LTBP1: variants seen among roughly 807,000 people sequenced by gnomAD.
The protein encoded by LTBP1 is latent-transforming growth factor beta-binding protein 1.
LTBP1 carries 129 observed loss-of-function variants against 207.6 expected under a neutral mutation model. The ratio of observed to expected loss-of-function variants is 0.62; its 90% CI spans 0.54 to 0.72. The LOEUF (loss-of-function observed/expected upper bound fraction) is 0.72, where lower values mean the gene tolerates loss of function less well. Ranked by LOEUF, LTBP1 falls within the 30% of genes least tolerant of loss-of-function variation. The pLI is 0.00. For missense variants in LTBP1, 2,281 were observed against 2,217.2 expected (o/e 1.03, Z -0.58); for synonymous variants, 963 against 833.7 (o/e 1.16, Z -2.67).
intron 3 of LTBP1, among the ~76,000 whole-genome samples, chr2:33,108,090 C>A (rs562605516): frequency 6.6e-6 from 1 of 152,284 alleles, no homozygotes; most frequent in East Asian, 1.9e-4. Context: ...ACAGTGGACA[C>A]CAACCACGAA....
rs138018861 is a variant in LTBP1 at position 33,377,597 on chromosome 2, G to A, written c.4712-11587G>A. ...TCATTATGATAATAATCTTACTGAT[G>A]TCCTATTAAAATCTTTCTAGTTTGA... On this transcript the variant is annotated intron_variant, in intron 31 of 33. Transcript: ENST00000404816. 1.2e-4 allele frequency among the ~76,000 whole-genome samples: 18 copies of A among 152,284 alleles called. No homozygotes were observed. The East Asian group carries it at 2.9e-3, about 24-fold the overall frequency.
chr2:33,397,058 T>A, intron 32 of LTBP1, 75 bp from the exon 33 acceptor site: 1 of 1,377,464 alleles, frequency 7.3e-7, no homozygotes, highest in Non-Finnish European at 1.0e-6. Flanking sequence ...AAATGAACCA[T>A]CATCTAAATA....
At chr2:33,132,234 T>C (rs905604323) in intron 4 of LTBP1, among the ~76,000 whole-genome samples, 6 of 152,192 alleles carry the variant, frequency 3.9e-5, no homozygotes, top group African/African-American at 1.4e-4. Flanking sequence ...TCCGACAACT[T>C]AGATTATAAG....
intron 11 of LTBP1, among the ~76,000 whole-genome samples, chr2:33,257,013 T>C (rs560072342): frequency 9.9e-5 from 15 of 151,370 alleles, no homozygotes; most frequent in South Asian, 8.3e-4. Context: ...AAGTATATGC[T>C]ATATATAATA....
At chr2:33,319,713 C>A (rs1559005349) in intron 24 of LTBP1, among the ~76,000 whole-genome samples, 1 of 152,238 alleles carries the variant, frequency 6.6e-6, no homozygotes, top group African/African-American at 2.4e-5. Flanking sequence ...TCTCTAGGCT[C>A]CCTGTGCACT....
chr2:32,949,348 A>G (rs778659440), intron 2 of LTBP1, among the ~76,000 whole-genome samples: 35 of 152,330 alleles, frequency 2.3e-4, no homozygotes, highest in Admixed American at 7.2e-4. Context: ...TGGGGAGTAG[A>G]GGGCCCTGTT....
At chr2:33,357,979 C>G (rs3769550) in intron 26 of LTBP1, among the ~76,000 whole-genome samples, 38,098 of 152,082 alleles carry the variant, frequency 0.25, 5,120 homozygotes, top group African/African-American at 0.34. Flanking sequence ...ATTACATTAT[C>G]ACATATTTAC....
chr2:32,964,080 C>T (rs537160073), intron 2 of LTBP1, among the ~76,000 whole-genome samples: 3 of 152,264 alleles, frequency 2.0e-5, no homozygotes, highest in African/African-American at 2.4e-5. Flanking sequence ...TGCTTCCTCG[C>T]GTCAAGATCA....
At chr2:33,396,282 G>A (rs1002682812) in intron 32 of LTBP1, among the ~76,000 whole-genome samples, 11 of 151,984 alleles carry the variant, frequency 7.2e-5, no homozygotes, top group Non-Finnish European at 1.2e-4. Flanking sequence ...GACAGTGGCC[G>A]TGATCTCAGC....
intron 3 of LTBP1, among the ~76,000 whole-genome samples, chr2:33,041,783 CTCTG>C (rs1021173295): frequency 1.3e-5 from 2 of 152,136 alleles, no homozygotes; most frequent in African/African-American, 4.8e-5. Flanking sequence ...CAGTCTCTCC[CTCTG>C]TCTCTCTCTT....
chr2:32,982,711 C>T (rs886215735), intron 2 of LTBP1, among the ~76,000 whole-genome samples: 10 of 152,276 alleles, frequency 6.6e-5, no homozygotes, highest in Middle Eastern at 3.4e-3. Context: ...CAGCTCGGGC[C>T]GTGGCTTCAG....
chr2:32,972,135 A>T (rs1680978531), intron 2 of LTBP1, among the ~76,000 whole-genome samples: 2 of 142,980 alleles, frequency 1.4e-5, no homozygotes, highest in Non-Finnish European at 1.5e-5. Flanking sequence ...TTTTCTGTGG[A>T]TTCAGTGGTA....
chr2:33,260,676 T>C (rs950726672), intron 13 of LTBP1, among the ~76,000 whole-genome samples: 3 of 152,204 alleles, frequency 2.0e-5, no homozygotes, highest in African/African-American at 7.2e-5. Flanking sequence ...GTATAACAGA[T>C]ATGCATACTT....
intron 22 of LTBP1, among the ~76,000 whole-genome samples, chr2:33,305,903 G>C (rs1028639257): frequency 1.3e-5 from 2 of 152,118 alleles, no homozygotes; most frequent in African/African-American, 2.4e-5. Flanking sequence ...GTTAACCATG[G>C]GATTTTTAGC....
At chr2:33,279,576 AG>A (rs1271062345) in intron 18 of LTBP1, among the ~76,000 whole-genome samples, 1 of 152,008 alleles carries the variant, frequency 6.6e-6, no homozygotes, top group East Asian at 1.9e-4. Context: ...ATTCCAACCT[AG>A]GATATTCTTG....
At chr2:33,174,561 C>G (rs1348299727) in intron 5 of LTBP1, among the ~76,000 whole-genome samples, 1 of 151,722 alleles carries the variant, frequency 6.6e-6, no homozygotes, top group Non-Finnish European at 1.5e-5. Context: ...GAATCAATAT[C>G]GTGAAAATGG....
At chr2:33,360,510 A>C in intron 26 of LTBP1, 87 bp from the exon 27 acceptor site, 1 of 789,000 alleles carries the variant, frequency 1.3e-6, no homozygotes, top group Non-Finnish European at 2.1e-6. Context: ...TGACACGGTC[A>C]CTCTTTCCCC....
intron 5 of LTBP1, among the ~76,000 whole-genome samples, chr2:33,177,488 A>G (rs7568506): frequency 0.079 from 11,978 of 152,190 alleles, 1,006 homozygotes; most frequent in African/African-American, 0.21. Flanking sequence ...TGTTTAGTAC[A>G]TAATTTTTGT....
At position 33,130,327 on chromosome 2, in the gene LTBP1, C is replaced by T. The variant is rs1347202017; in HGVS notation, c.1034-4466C>T. Among the ~76,000 whole-genome samples, 3 of 152,106 alleles carry T rather than the reference C, an allele frequency of 2.0e-5. No individual in the cohort carries two copies. The East Asian group carries it at 5.8e-4, about 29-fold the overall frequency. On this transcript the variant is annotated intron_variant, in intron 4 of 33. Transcript: ENST00000404816. Reference sequence around the variant, plus strand: ...GAGGATATTGCCTGTGCTGGTTGGTCCCCATTGTTTAAGTTGGATGCACGC... The same window carrying T: ...GAGGATATTGCCTGTGCTGGTTGGTTCCCATTGTTTAAGTTGGATGCACGC...
Sources: gnomAD v4.1 joint callset for allele counts (sites outside exome capture counted in the v4.1 genomes callset) on GRCh38, gnomAD v4.1.1 for gene constraint, MANE v1.5 for transcripts, NCBI Gene and HGNC (gene_info 2026-07-23, HGNC 2026-07-21) for gene names.